GALNT9: variants seen among roughly 807,000 people sequenced by gnomAD.
GALNT9 encodes polypeptide N-acetylgalactosaminyltransferase 9, also known as GalNAc transferase 9.
In GALNT9, 47 loss-of-function variants were observed where a neutral mutation model predicts 63.1. The observed-to-expected ratio is 0.75, with a 90% CI of 0.59 to 0.95. The LOEUF is 0.95. GALNT9 is among the 40% of genes least tolerant of loss of function. The pLI is 0.00. For synonymous variants in GALNT9, 396 were observed against 365.7 expected, an observed-to-expected ratio of 1.08 and a Z score of -0.94; for missense variants, 829 against 874.8, an observed-to-expected ratio of 0.95 and a Z score of 0.66.
rs1258590261 is a variant in GALNT9 at position 132,310,798 on chromosome 12, C to G, written c.238+18168G>C. ...AGGTGGGAGCCACGCTGTCCTCCCA[C>G]GCAAAGAGGAACTAGGTGTGGCTGT... On this transcript the variant is annotated intron_variant, in intron 1 of 10. Transcript: ENST00000328957. The surrounding 1 kb of genome is among the most constrained non-coding windows in gnomAD (Gnocchi z 4.8). 1.3e-5 allele frequency among the ~76,000 whole-genome samples: 2 copies of G among 152,158 alleles called. No homozygotes were observed. The highest frequency in any genetic ancestry group is 2.9e-5 in the Non-Finnish European group (2 of 68,020).
chr12:132,250,967 G>C (rs553176313), intron 5 of GALNT9, among the ~76,000 whole-genome samples: 1 of 152,198 alleles, frequency 6.6e-6, no homozygotes. Flanking sequence ...CCTGGGATAG[G>C]TACGTAAACA....
At chr12:132,239,629 G>GAGAGACAGAGTC (rs200709309) in intron 6 of GALNT9, among the ~76,000 whole-genome samples, 5 of 147,786 alleles carry the variant, frequency 3.4e-5, no homozygotes, top group Admixed American at 6.8e-5. Context: ...CTGAGAGACA[G>GAGAGACAGAGTC]AGAGACAGAG....
chr12:132,219,712 G>A (rs1877365475), intron 6 of GALNT9, among the ~76,000 whole-genome samples: 1 of 144,120 alleles, frequency 6.9e-6, no homozygotes. Flanking sequence ...AAGGGGAAGG[G>A]ACACCTCCCC....
rs563695605 is a variant in GALNT9 at position 132,285,325 on chromosome 12, C to T, written c.419+925G>A. On this transcript the variant is annotated intron_variant, in intron 2 of 10. Coordinates refer to ENST00000328957, the MANE Select transcript of GALNT9 (RefSeq NM_001122636.2). The stretch of plus-strand genomic sequence containing the variant: ...GCATCCTGTCGCGGGCTGGGCTCTG[C>T]GGACAGAGACGCAGGAGGGGCTGGC... Among the ~76,000 whole-genome samples, 26 of 152,404 alleles carry T rather than the reference C, an allele frequency of 1.7e-4. No homozygotes were observed. The East Asian group carries it at 4.2e-3, about 25-fold the overall frequency.
intron 6 of GALNT9, among the ~76,000 whole-genome samples, chr12:132,213,607 A>T (rs1463245136): frequency 6.6e-6 from 1 of 152,052 alleles, no homozygotes; most frequent in Non-Finnish European, 1.5e-5. Context: ...ACACACTCAC[A>T]CACATGTGCA....
Position 132,279,648 on chromosome 12 carries a change from A to AC in GALNT9, c.419+6601dup, listed in dbSNP as rs1555241528. 6.6e-6 allele frequency: 1 copy of AC among 151,838 alleles called. No individual in the cohort carries two copies. Among genetic ancestry groups the AC allele is most frequent in the East Asian group, 1.9e-4 (1 of 5,182 alleles). The allele number at this position is 151,838 out of a possible 1,614,324, so 9.4% of individuals were successfully genotyped here. A position where few individuals can be genotyped will look rare whatever the true frequency, so the allele number is the denominator to read the frequency against. ...TCTTCTCTCCAGAGTTACTGTCCCT[A>AC]CCCCCTGTCCTCTCTCTGCAGCTCC... On this transcript the variant is annotated intron_variant, in intron 2 of 10. Coordinates refer to ENST00000328957, the MANE Select transcript of GALNT9 (RefSeq NM_001122636.2). This position sits in a 1 kb window ranked among gnomAD's most constrained non-coding sequence, Gnocchi z 4.1.
At chr12:132,256,648 G>A (rs1254179081) in intron 5 of GALNT9, among the ~76,000 whole-genome samples, 1 of 109,182 alleles carries the variant, frequency 9.2e-6, no homozygotes, top group Admixed American at 9.2e-5. Flanking sequence ...ACGCTGGAGG[G>A]GGACACTGGA....
In GALNT9 at chr12:132,246,544, A is replaced by G. The variant is rs1878713207; in HGVS notation, c.1077+1366T>C. Among the ~76,000 whole-genome samples the G allele has an allele frequency of 6.6e-6, 1 of 152,016 alleles. No homozygotes were observed. Among genetic ancestry groups the G allele is most frequent in the Non-Finnish European group, 1.5e-5 (1 of 67,986 alleles). On this transcript the variant is annotated intron_variant, in intron 6 of 10. Transcript: ENST00000328957. The surrounding 1 kb of genome is among the most constrained non-coding windows in gnomAD (Gnocchi z 4.7). ...ATTATTTTATTTTATTTTATCATATATTTTTTGAAATGGAGTCTCACTCTG... is the reference window on the plus strand; with the variant it reads ...ATTATTTTATTTTATTTTATCATATGTTTTTTGAAATGGAGTCTCACTCTG...
intron 1 of GALNT9, among the ~76,000 whole-genome samples, chr12:132,324,503 G>A (rs1284005486): frequency 6.6e-6 from 1 of 152,232 alleles, no homozygotes; most frequent in East Asian, 1.9e-4. Context: ...CCGGACCAGC[G>A]GCTATGGATG....
chr12:132,215,879 G>A (rs561991684), intron 6 of GALNT9, among the ~76,000 whole-genome samples: 19 of 152,200 alleles, frequency 1.2e-4, no homozygotes, highest in Non-Finnish European at 2.4e-4. Context: ...GTGAGGGGGC[G>A]GAGAGTAGGG....
In GALNT9 at chr12:132,203,629, C is replaced by T. The variant is rs375048132; in HGVS notation, c.1139G>A (p.Arg380His). The T allele has an allele frequency of 2.5e-5, 41 of 1,613,758 alleles. No homozygotes were observed. Among genetic ancestry groups the T allele is most frequent in the East Asian group, 4.5e-5 (2 of 44,878 alleles). ...LPCSRVAHIE[R>H]TRKPYNNDID... ...GTCGTTGTTGTAGGGCTTCCTGGTG[C>T]GCTCGATGTGGGCCACGCGGGAGCA... The change falls in exon 7 of 11, where the codon CGC becomes CAC. Residue 380 changes from arginine to histidine, a missense_variant. Arg to His is a conservative substitution (Grantham distance 29, BLOSUM62 0). Coordinates refer to ENST00000328957, the MANE Select transcript of GALNT9 (RefSeq NM_001122636.2).
At chr12:132,262,376 C>G in intron 3 of GALNT9, 83 bp downstream of exon 3, 1 of 1,475,778 alleles carries the variant, frequency 6.8e-7, no homozygotes, top group South Asian at 1.4e-5. Flanking sequence ...TCGCTCTGCC[C>G]CCGGAGGCTC....
chr12:132,325,631 C>G (rs1050641321), intron 1 of GALNT9, among the ~76,000 whole-genome samples: 1 of 152,218 alleles, frequency 6.6e-6, no homozygotes, highest in African/African-American at 2.4e-5. Context: ...CTGAAACCAG[C>G]GCCACCTCGC....
intron 8 of GALNT9, 68 bp from the exon 9 acceptor site, chr12:132,199,337 A>T: frequency 1.8e-6 from 2 of 1,142,528 alleles, no homozygotes; most frequent in Non-Finnish European, 2.6e-6. Flanking sequence ...AGCTTCACGC[A>T]GCCAGCTCTG....
rs140287628 is a variant in GALNT9, at chr12:132,319,441, G to A, written c.238+9525C>T. On this transcript the variant is annotated intron_variant, in intron 1 of 10. Transcript: ENST00000328957. The surrounding 1 kb of genome is among the most constrained non-coding windows in gnomAD (Gnocchi z 5.2). ...TAGAAGTTATGCCGTTTTCCTCAGC[G>A]TGACCCTGGCTCTTAGGTCTCTGCA... Among the ~76,000 whole-genome samples the A allele has an allele frequency of 1.3e-3, 193 of 152,238 alleles. 1 individual carries two copies. Among genetic ancestry groups the A allele is most frequent in the African/African-American group, 4.4e-3 (181 of 41,552 alleles).
Position 132,262,448 on chromosome 12 carries a change from C to T in GALNT9, c.586+11G>A, listed in dbSNP as rs782000599. The T allele has an allele frequency of 1.3e-4, 199 of 1,547,070 alleles. No individual in the cohort carries two copies. The highest frequency in any genetic ancestry group is 1.6e-4 in the South Asian group (13 of 83,766). ...CCCGGCGAGCACCGTGCCGAGGCCCCGCCCACTCACCGTTGTCACTGTTGT... is the reference window on the plus strand; with the variant it reads ...CCCGGCGAGCACCGTGCCGAGGCCCTGCCCACTCACCGTTGTCACTGTTGT... On this transcript the variant is annotated intron_variant, in intron 3 of 10. Transcript: ENST00000328957.
chr12:132,239,455 CAGAG>C (rs1452601141), intron 6 of GALNT9, among the ~76,000 whole-genome samples: 5 of 122,520 alleles, frequency 4.1e-5, no homozygotes, highest in African/African-American at 6.1e-5. Context: ...GACAGAGAGG[CAGAG>C]AGAGACAGAG....
At chr12:132,309,132 G>A (rs1881724623) in intron 1 of GALNT9, among the ~76,000 whole-genome samples, 2 of 152,236 alleles carry the variant, frequency 1.3e-5, no homozygotes, top group South Asian at 2.1e-4. Context: ...TGTCCCACGC[G>A]ACACTCTCAG....
intron 1 of GALNT9, among the ~76,000 whole-genome samples, chr12:132,305,225 A>G (rs371116556): frequency 6.0e-4 from 20 of 33,584 alleles, no homozygotes; most frequent in East Asian, 2.5e-3. Flanking sequence ...CCTCGCCCGG[A>G]CACACCCTCA....
Sources: gnomAD v4.1 joint callset for allele counts (sites outside exome capture counted in the v4.1 genomes callset) on GRCh38, gnomAD v4.1.1 for gene constraint, Gnocchi (gnomAD v3.1) non-coding constraint, MANE v1.5 for transcripts, NCBI Gene and HGNC (gene_info 2026-07-23, HGNC 2026-07-21) for gene names.